Variants in CAP2 observed in about 807,000 individuals in gnomAD.
CAP2 encodes the protein cyclase associated actin cytoskeleton regulatory protein 2.
A neutral mutation model predicts 57.7 loss-of-function variants in CAP2; 24 were observed. That is an observed-to-expected ratio of 0.42 (90% CI 0.30 to 0.58). The LOEUF (loss-of-function observed/expected upper bound fraction) is 0.58, where lower values mean the gene tolerates loss of function less well. Ranked by LOEUF, CAP2 falls within the 20% of genes least tolerant of loss-of-function variation. CAP2 has a pLI of 0.22. For missense variants in CAP2, 501 were observed against 590.3 expected (o/e 0.85, Z 1.57); for synonymous variants, 194 against 207.2 (o/e 0.94, Z 0.55).
rs59581120 is a variant in CAP2, at chr6:17,480,952, A to AT, written c.300+17905dup. ...CACCACCACACCTGGCTAATTTTGT[A>AT]TTTTTTTTTTTTTTTTTTTTTTTTT... On this transcript the variant is annotated intron_variant, in intron 4 of 12. Transcript: ENST00000229922. Among the ~76,000 whole-genome samples the AT allele has an allele frequency of 3.7e-3, 265 of 70,726 alleles. 16 individuals are homozygous for AT. Among genetic ancestry groups the AT allele is most frequent in the African/African-American group, 0.01 (180 of 17,166 alleles). The allele number at this position is 70,726 out of a possible 152,430, so 46.4% of individuals were successfully genotyped here. A position where few individuals can be genotyped will look rare whatever the true frequency, so the allele number is the denominator to read the frequency against.
chr6:17,496,970 G>A (rs1290908350), intron 4 of CAP2, among the ~76,000 whole-genome samples: 2 of 152,188 alleles, frequency 1.3e-5, no homozygotes, highest in African/African-American at 2.4e-5. Context: ...ACTTCAAATG[G>A]TGGATTTGGT....
chr6:17,431,623 G>A lies in CAP2; in HGVS notation c.222+4933G>A, dbSNP rs79604014. ...CTTTGTGCCATGCTGTTCAGTTAAT[G>A]AGTTCAAAGAGTGGCAAAATGAGAA... On this transcript the variant is annotated intron_variant, in intron 3 of 12. Transcript: ENST00000229922. Among the ~76,000 whole-genome samples, 34 of 152,268 alleles carry A rather than the reference G, an allele frequency of 2.2e-4. No homozygotes were observed. The East Asian group carries it at 5.8e-3, about 26-fold the overall frequency.
chr6:17,507,423 T>A, intron 5 of CAP2, 111 bp downstream of exon 5: 1 of 1,128,322 alleles, frequency 8.9e-7, no homozygotes, highest in Non-Finnish European at 1.3e-6. Flanking sequence ...AGCTTCTTCC[T>A]GGGCTGAATG....
In CAP2 at chr6:17,543,136, A is replaced by G; in HGVS notation, c.1202A>G (p.Gln401Arg). ...GAAGTGATCAACTCCCAGGACATTC[A>G]AATCCAGGTAAGCAGAGCCTTTCCA... ...IVEVINSQDI[Q>R]IQVMGRVPTI... The change falls in exon 11 of 13, where the codon CAA (glutamine) becomes CGA (arginine). Residue 401 changes from glutamine to arginine, a missense_variant. Coordinates refer to ENST00000229922, the MANE Select transcript of CAP2 (RefSeq NM_006366.3). 2 of 1,613,266 alleles carry G rather than the reference A, an allele frequency of 1.2e-6. No individual in the cohort carries two copies. The highest frequency in any genetic ancestry group is 1.7e-6 in the Non-Finnish European group (2 of 1,179,142).
chr6:17,452,232 A>G (rs999278442), intron 3 of CAP2, among the ~76,000 whole-genome samples: 3 of 152,236 alleles, frequency 2.0e-5, no homozygotes, highest in African/African-American at 7.2e-5. Flanking sequence ...CTGTCTCACC[A>G]TGGCAATTTC....
intron 4 of CAP2, among the ~76,000 whole-genome samples, chr6:17,494,280 C>T (rs1405530322): frequency 6.6e-6 from 1 of 152,186 alleles, no homozygotes; most frequent in East Asian, 1.9e-4. Context: ...CTTTCAGCAG[C>T]TCCCATGATT....
chr6:17,438,813 C>T (rs1759982556), intron 3 of CAP2, among the ~76,000 whole-genome samples: 1 of 146,624 alleles, frequency 6.8e-6, no homozygotes, highest in African/African-American at 2.6e-5. Flanking sequence ...TGTGAGTTGT[C>T]ATTTAAAAGG....
At chr6:17,539,890 G>A (rs1315457760) in intron 8 of CAP2, among the ~76,000 whole-genome samples, 2 of 152,034 alleles carry the variant, frequency 1.3e-5, no homozygotes, top group African/African-American at 4.8e-5. Context: ...GACCAGCCTG[G>A]GCAACATAGT....
intron 4 of CAP2, among the ~76,000 whole-genome samples, chr6:17,494,611 T>C (rs752215815): frequency 3.9e-5 from 6 of 152,176 alleles, no homozygotes; most frequent in African/African-American, 1.4e-4. Flanking sequence ...TTTCCCTCTA[T>C]GGTTTTTAAC....
At chr6:17,529,651 A>AAAAAAAAAAAAATATAT (rs10656588) in intron 7 of CAP2, among the ~76,000 whole-genome samples, 2 of 134,538 alleles carry the variant, frequency 1.5e-5, no homozygotes, top group African/African-American at 5.9e-5. Flanking sequence ...AAAAAAAAAA[A>AAAAAAAAAAAAATATAT]ATATATATAT....
intron 2 of CAP2, among the ~76,000 whole-genome samples, chr6:17,426,162 G>T (rs1305885128): frequency 6.6e-6 from 1 of 151,136 alleles, no homozygotes; most frequent in Admixed American, 6.6e-5. Context: ...CTTAGCAAAT[G>T]AATTGGTGAG....
chr6:17,517,993 T>C (rs1201788763), intron 7 of CAP2, among the ~76,000 whole-genome samples: 1 of 152,150 alleles, frequency 6.6e-6, no homozygotes. Context: ...GCATCATGGA[T>C]TGCCATGACA....
intron 1 of CAP2, among the ~76,000 whole-genome samples, chr6:17,394,373 T>C (rs866206103): frequency 6.6e-6 from 1 of 151,894 alleles, no homozygotes; most frequent in Middle Eastern, 3.4e-3. Flanking sequence ...GGTAGAGGGG[T>C]GTTCGTGGAA....
chr6:17,487,553 T>C (rs1247638663), intron 4 of CAP2, among the ~76,000 whole-genome samples: 1 of 152,170 alleles, frequency 6.6e-6, no homozygotes, highest in East Asian at 1.9e-4. Flanking sequence ...CACTGCAACC[T>C]CCGCCTCCCG....
chr6:17,517,299 G>C (rs1310571206), intron 7 of CAP2, among the ~76,000 whole-genome samples: 1 of 152,190 alleles, frequency 6.6e-6, no homozygotes, highest in East Asian at 1.9e-4. Flanking sequence ...GGTGCCCATG[G>C]AAAATGAATA....
chr6:17,503,472 C>T (rs575642574), intron 4 of CAP2, among the ~76,000 whole-genome samples: 4 of 151,906 alleles, frequency 2.6e-5, no homozygotes, highest in East Asian at 1.9e-4. Context: ...GGTGTGGTGG[C>T]GTGTGTCTGT....
chr6:17,515,561 T>C (rs573069637), intron 7 of CAP2, among the ~76,000 whole-genome samples: 1 of 152,160 alleles, frequency 6.6e-6, no homozygotes, highest in South Asian at 2.1e-4. Context: ...CTCAGCATCA[T>C]ACAATATACC....
At chr6:17,401,221 C>G (rs761396594) in intron 1 of CAP2, among the ~76,000 whole-genome samples, 5 of 152,124 alleles carry the variant, frequency 3.3e-5, no homozygotes, top group Non-Finnish European at 7.4e-5. Context: ...GGATTAGTGC[C>G]CTTATGAAAG....
At chr6:17,553,065 A>T (rs1332795300) in intron 12 of CAP2, among the ~76,000 whole-genome samples, 1 of 152,208 alleles carries the variant, frequency 6.6e-6, no homozygotes, top group Non-Finnish European at 1.5e-5. Flanking sequence ...TGATGCCAAC[A>T]GCTTCAGAGT....
Sources: gnomAD v4.1 joint callset for allele counts (sites outside exome capture counted in the v4.1 genomes callset) on GRCh38, gnomAD v4.1.1 for gene constraint, MANE v1.5 for transcripts, NCBI Gene and HGNC (gene_info 2026-07-23, HGNC 2026-07-21) for gene names.